RLF: variants seen among roughly 807,000 people sequenced by gnomAD.
RLF encodes the protein zinc finger protein Rlf.
RLF carries 7 observed loss-of-function variants against 162.9 expected under a neutral mutation model. The ratio of observed to expected loss-of-function variants is 0.04; its 90% CI spans 0.02 to 0.08. The LOEUF (loss-of-function observed/expected upper bound fraction) is 0.08. RLF is among the 10% of genes least tolerant of loss of function. The pLI, the probability that RLF is intolerant of heterozygous loss-of-function variation, is 1.00. For missense variants in RLF, 1,664 were observed against 2,244.7 expected, an observed-to-expected ratio of 0.74 and a Z score of 5.23; for synonymous variants, 782 against 791.5, an observed-to-expected ratio of 0.99 and a Z score of 0.20.
intron 7 of RLF, among the ~76,000 whole-genome samples, chr1:40,234,308 C>T (rs1643190353): frequency 6.6e-6 from 1 of 152,106 alleles, no homozygotes; most frequent in Admixed American, 6.5e-5. Context: ...GGCAACTTAA[C>T]GTTCTGAGTG....
chr1:40,178,488 G>A (rs1642358276), intron 1 of RLF, among the ~76,000 whole-genome samples: 1 of 151,994 alleles, frequency 6.6e-6, no homozygotes, highest in South Asian at 2.1e-4. Context: ...TCGAGTGGCA[G>A]CACAACAATG....
chr1:40,219,199 TTTAAG>T (rs1320956692), intron 5 of RLF, among the ~76,000 whole-genome samples: 2 of 152,210 alleles, frequency 1.3e-5, no homozygotes, highest in Non-Finnish European at 2.9e-5. Flanking sequence ...ACATGAATTT[TTTAAG>T]TTATTTATTT....
At position 40,236,842 on chromosome 1, in the gene RLF, G is replaced by C. The variant is rs1643223583; in HGVS notation, c.2140G>C (p.Glu714Gln). ...KHYLDMKNRREKCTYCRRHFM... is the reference protein window; with the variant it reads ...KHYLDMKNRRQKCTYCRRHFM... ...CTACTTGGATATGAAAAATAGAAGA[G>C]AGAAGTGTACTTACTGTCGACGACA... is the stretch of plus-strand genomic sequence containing the variant. The change falls in exon 8 of 8, where the codon GAG (glutamate) becomes CAG (glutamine). Residue 714 changes from glutamate (E) to glutamine (Q), a missense_variant. By Grantham distance (29) the Glu-to-Gln change is conservative. Around this residue, in one of 15 missense-constraint regions of RLF, gnomAD observed 69 missense variants for 206.4 expected, o/e 0.33. Transcript: ENST00000372771. The surrounding 1 kb of genome is among the most constrained non-coding windows in gnomAD (Gnocchi z 7.7). The C allele has an allele frequency of 6.2e-7, 1 of 1,614,026 alleles. No homozygotes were observed. The highest frequency in any genetic ancestry group is 8.5e-7 in the Non-Finnish European group (1 of 1,180,024).
chr1:40,199,842 A>G (rs899854525), intron 4 of RLF, among the ~76,000 whole-genome samples: 2 of 152,174 alleles, frequency 1.3e-5, no homozygotes, highest in Non-Finnish European at 2.9e-5. Context: ...TAGATTGGAG[A>G]TAATTAGAAA....
chr1:40,187,829 C>T (rs996104773), intron 1 of RLF, among the ~76,000 whole-genome samples: 3 of 152,100 alleles, frequency 2.0e-5, no homozygotes, highest in African/African-American at 7.2e-5. Context: ...GAATCCTGCG[C>T]TACTATTGTA....
chr1:40,211,004 C>A (rs539508388), intron 5 of RLF, among the ~76,000 whole-genome samples: 1 of 152,312 alleles, frequency 6.6e-6, no homozygotes, highest in South Asian at 2.1e-4. Context: ...TTGGCACCCA[C>A]CCAGCTACCT....
intron 1 of RLF, among the ~76,000 whole-genome samples, chr1:40,173,461 ATGT>A (rs1642274768): frequency 6.6e-6 from 1 of 151,840 alleles, no homozygotes; most frequent in South Asian, 2.1e-4. Context: ...CTATTTAAAA[ATGT>A]TGTTAAAAGT....
intron 1 of RLF, among the ~76,000 whole-genome samples, chr1:40,182,743 A>C (rs1383711739): frequency 8.0e-6 from 1 of 125,784 alleles, no homozygotes; most frequent in Non-Finnish European, 1.7e-5. Context: ...AAGTATAGAC[A>C]GATAGATAGG....
At chr1:40,188,051 A>G (rs1310849849) in intron 1 of RLF, among the ~76,000 whole-genome samples, 3 of 152,218 alleles carry the variant, frequency 2.0e-5, no homozygotes, top group African/African-American at 7.2e-5. Flanking sequence ...TCCAGGGAGA[A>G]GGCTGTATCC....
chr1:40,161,682 A>C lies in RLF; in HGVS notation c.237+46A>C, dbSNP rs1230362666. On this transcript the variant is annotated intron_variant, in intron 1 of 7. Transcript: ENST00000372771. This position sits in a 1 kb window ranked among gnomAD's most constrained non-coding sequence, Gnocchi z 4.4. ...CTGAGGGCGGCGGGGCGGGGAAGTCAGGGAAGGAGGCCCTGGATCCTCTGT... is the reference window on the plus strand; with the variant it reads ...CTGAGGGCGGCGGGGCGGGGAAGTCCGGGAAGGAGGCCCTGGATCCTCTGT... 6.3e-7 allele frequency: 1 copy of C among 1,597,652 alleles called. No homozygotes were observed. The highest frequency in any genetic ancestry group is 1.4e-5 in the African/African-American group (1 of 73,988).
At chr1:40,218,252 C>T (rs1642951236) in intron 5 of RLF, among the ~76,000 whole-genome samples, 1 of 152,174 alleles carries the variant, frequency 6.6e-6, no homozygotes, top group Non-Finnish European at 1.5e-5. Flanking sequence ...CCTCTAACTC[C>T]ACCTTCATAT....
chr1:40,217,310 TAATAA>T (rs1570551994), intron 5 of RLF, among the ~76,000 whole-genome samples: 2 of 151,756 alleles, frequency 1.3e-5, no homozygotes, highest in East Asian at 1.9e-4. Context: ...TACAAAAAAA[TAATAA>T]AATAAACTGG....
At chr1:40,163,463 G>T (rs1472719259) in intron 1 of RLF, among the ~76,000 whole-genome samples, 2 of 152,156 alleles carry the variant, frequency 1.3e-5, no homozygotes, top group African/African-American at 4.8e-5. Flanking sequence ...TATGTATTCT[G>T]CTTTATGTCT....
chr1:40,194,495 C>G (rs1267483134), intron 3 of RLF, among the ~76,000 whole-genome samples: 1 of 151,846 alleles, frequency 6.6e-6, no homozygotes, highest in South Asian at 2.1e-4. Context: ...CAAAAATTAG[C>G]CAGGCGTGGT....
At chr1:40,201,993 G>A (rs1642725004) in intron 4 of RLF, among the ~76,000 whole-genome samples, 1 of 152,130 alleles carries the variant, frequency 6.6e-6, no homozygotes. Context: ...AGAGGAAAGA[G>A]CACCACTGGC....
intron 6 of RLF, 44 bp downstream of exon 6, chr1:40,222,754 TATAGCA>T (rs1164725116): frequency 6.5e-7 from 1 of 1,536,194 alleles, no homozygotes; most frequent in Non-Finnish European, 9.0e-7. Flanking sequence ...TAGTACATAG[TATAGCA>T]TTTAGGGTTT....
At chr1:40,208,175 G>A (rs1444757051) in intron 5 of RLF, among the ~76,000 whole-genome samples, 1 of 152,206 alleles carries the variant, frequency 6.6e-6, no homozygotes, top group Non-Finnish European at 1.5e-5. Context: ...AGTATAGATA[G>A]AGACAGAATG....
chr1:40,194,586 CA>C (rs554986416), intron 3 of RLF, among the ~76,000 whole-genome samples: 75 of 131,794 alleles, frequency 5.7e-4, no homozygotes, highest in Non-Finnish European at 6.8e-4. Flanking sequence ...ACTCCATCTC[CA>C]AAAAAAAAAA....
Position 40,238,487 on chromosome 1 carries a change from A to G in RLF, c.3785A>G (p.Glu1262Gly), listed in dbSNP as rs761330197. The G allele has an allele frequency of 1.5e-5, 24 of 1,614,110 alleles. No individual in the cohort carries two copies. The highest frequency in any genetic ancestry group is 2.0e-5 in the Non-Finnish European group (24 of 1,180,014). ...SSETDLESSC[E>G]ETESKTSDIS... Reference sequence around the variant, plus strand: ...GAAACAGATTTGGAATCATCTTGTGAAGAAACAGAAAGTAAAACATCTGAC... The same window carrying G: ...GAAACAGATTTGGAATCATCTTGTGGAGAAACAGAAAGTAAAACATCTGAC... The change falls in exon 8 of 8, where the codon GAA (glutamate) becomes GGA (glycine). Residue 1262 changes from glutamate to glycine, a missense_variant. By Grantham distance (98) the Glu-to-Gly change is moderately conservative (BLOSUM62 -2). Around this residue, in one of 15 missense-constraint regions of RLF, gnomAD observed 102 missense variants for 109.5 expected, o/e 0.93. Coordinates refer to ENST00000372771, the MANE Select transcript of RLF (RefSeq NM_012421.4). This position sits in a 1 kb window ranked among gnomAD's most constrained non-coding sequence, Gnocchi z 5.2.
Sources: allele counts gnomAD v4.1 joint callset (sites outside exome capture counted in the v4.1 genomes callset), GRCh38; gene constraint gnomAD v4.1.1; regional missense constraint gnomAD v4.1.1; non-coding constraint Gnocchi (gnomAD v3.1); transcripts MANE v1.5; gene names NCBI Gene and HGNC (gene_info 2026-07-23, HGNC 2026-07-21).